The following CACNA1E variants were observed in gnomAD, a reference collection of about 807,000 sequenced individuals.
CACNA1E encodes the protein calcium voltage-gated channel subunit alpha1 E.
A neutral mutation model predicts 259.2 loss-of-function variants in CACNA1E; 40 were observed. That is an observed-to-expected ratio of 0.15 (90% CI 0.12 to 0.20). The LOEUF is 0.20. Among genes scored for constraint, CACNA1E ranks in the 10% least tolerant of loss-of-function variants. CACNA1E has a pLI of 1.00. For missense variants in CACNA1E, 1,874 were observed against 3,040.1 expected (o/e 0.62, Z 9.02); for synonymous variants, 1,104 against 1,138.5 (o/e 0.97, Z 0.61).
At chr1:181,654,999 A>T (rs886759706) in intron 7 of CACNA1E, among the ~76,000 whole-genome samples, 1 of 151,386 alleles carries the variant, frequency 6.6e-6, no homozygotes, top group Non-Finnish European at 1.5e-5. Context: ...AAAAAAAAAA[A>T]AAAAGAAACA....
chr1:181,527,231 C>G (rs775395456), intron 3 of CACNA1E, among the ~76,000 whole-genome samples: 13 of 152,244 alleles, frequency 8.5e-5, no homozygotes, highest in Non-Finnish European at 1.8e-4. Flanking sequence ...GCAAAGGCCC[C>G]TTTCCTGGCT....
intron 3 of CACNA1E, among the ~76,000 whole-genome samples, chr1:181,544,867 G>A (rs1364942508): frequency 1.3e-5 from 2 of 152,178 alleles, no homozygotes; most frequent in Non-Finnish European, 2.9e-5. Flanking sequence ...CCAGGGTATG[G>A]CTGTTTGTTT....
chr1:181,639,445 G>T (rs1249560417), intron 6 of CACNA1E, among the ~76,000 whole-genome samples: 1 of 152,200 alleles, frequency 6.6e-6, no homozygotes, highest in Non-Finnish European at 1.5e-5. Flanking sequence ...GATACATGGA[G>T]CCTTAGGGTC....
At chr1:181,569,698 G>A (rs77119069) in intron 3 of CACNA1E, among the ~76,000 whole-genome samples, 293 of 152,318 alleles carry the variant, frequency 1.9e-3, no homozygotes, top group Non-Finnish European at 2.2e-3. Flanking sequence ...CCGTGGATGC[G>A]TCTGTGGATG....
At chr1:181,724,575 T>C (rs1654715669) in intron 17 of CACNA1E, 38 bp downstream of exon 17, 1 of 1,532,160 alleles carries the variant, frequency 6.5e-7, no homozygotes, top group African/African-American at 1.4e-5. Flanking sequence ...GTTTCTCTAG[T>C]GCCATTGGGT....
intron 2 of CACNA1E, among the ~76,000 whole-genome samples, chr1:181,426,971 C>T (rs189145881): frequency 6.6e-6 from 1 of 150,808 alleles, no homozygotes; most frequent in East Asian, 2.0e-4. Flanking sequence ...TCAACCCCTT[C>T]CCATCTCAAC....
upstream of CACNA1E, among the ~76,000 whole-genome samples, chr1:181,481,292 C>CA (rs1325515412): frequency 6.6e-6 from 1 of 151,776 alleles, no homozygotes; most frequent in African/African-American, 2.4e-5. Context: ...GCAGGCTGGA[C>CA]ATGTTGAGAC....
chr1:181,737,691 G>A (rs373136672), intron 23 of CACNA1E, 37 bp downstream of exon 23: 2 of 1,598,524 alleles, frequency 1.3e-6, no homozygotes, highest in Non-Finnish European at 8.5e-7. Flanking sequence ...CCTCTGTAGT[G>A]CTCTGGTGCT....
At chr1:181,321,156 C>A (rs1203058973) in intron 1 of CACNA1E, among the ~76,000 whole-genome samples, 1 of 152,160 alleles carries the variant, frequency 6.6e-6, no homozygotes, top group Admixed American at 6.5e-5. Flanking sequence ...GAGGACGGTG[C>A]CAAGCCATTC....
chr1:181,618,275 A>T (rs1655412403), intron 6 of CACNA1E, among the ~76,000 whole-genome samples: 1 of 152,178 alleles, frequency 6.6e-6, no homozygotes, highest in African/African-American at 2.4e-5. Context: ...ACTTCAAGAG[A>T]TCATCTGGGC....
intron 1 of CACNA1E, among the ~76,000 whole-genome samples, chr1:181,368,627 G>T (rs938518823): frequency 6.6e-6 from 1 of 152,128 alleles, no homozygotes; most frequent in African/African-American, 2.4e-5. Flanking sequence ...AGATGGGGTT[G>T]GGGGGCAGGA....
At chr1:181,448,431 A>G (rs1660934749) in intron 2 of CACNA1E, among the ~76,000 whole-genome samples, 2 of 152,246 alleles carry the variant, frequency 1.3e-5, no homozygotes, top group Admixed American at 1.3e-4. Flanking sequence ...GTCAGGACTC[A>G]AGCTCAGGTG....
rs756776938 is a variant in CACNA1E, at chr1:181,732,213, C to T, written c.2298-171C>T. Among the ~76,000 whole-genome samples, 3 of 152,168 alleles carry T rather than the reference C, an allele frequency of 2.0e-5. No individual in the cohort carries two copies. The highest frequency in any genetic ancestry group is 2.9e-5 in the Non-Finnish European group (2 of 68,030). ...GGAGGCACCTGCCTGATGAGCTCCT[C>T]ACGTGTGGCCCGCCTGCTCCTCGCA... On this transcript the variant is annotated intron_variant, in intron 19 of 47. Transcript: ENST00000367573. The surrounding 1 kb of genome is among the most constrained non-coding windows in gnomAD (Gnocchi z 5.5).
chr1:181,679,013 T>A (rs1299849361), intron 7 of CACNA1E, among the ~76,000 whole-genome samples: 2 of 152,172 alleles, frequency 1.3e-5, no homozygotes, highest in African/African-American at 2.4e-5. Flanking sequence ...CTGGTGAAAG[T>A]TCCACATTTT....
At chr1:181,720,578 G>C (rs548183674) in intron 14 of CACNA1E, among the ~76,000 whole-genome samples, 1 of 152,168 alleles carries the variant, frequency 6.6e-6, no homozygotes, top group Non-Finnish European at 1.5e-5. Context: ...AATGTGCAGC[G>C]TGGGCACATT....
At chr1:181,766,649 G>C (rs1333017731) in intron 35 of CACNA1E, 38 bp downstream of exon 35, 2 of 1,477,726 alleles carry the variant, frequency 1.4e-6, no homozygotes, top group South Asian at 1.2e-5. Flanking sequence ...GGGGACAGCT[G>C]TTACCCAGAT....
chr1:181,584,826 A>G (rs560506531), intron 6 of CACNA1E, among the ~76,000 whole-genome samples: 3 of 152,348 alleles, frequency 2.0e-5, no homozygotes, highest in South Asian at 4.1e-4. Context: ...TTTGACAAAT[A>G]GGTGGCAGGA....
chr1:181,692,935 TAAAC>T (rs922440338), intron 7 of CACNA1E, among the ~76,000 whole-genome samples: 4 of 151,584 alleles, frequency 2.6e-5, no homozygotes, highest in African/African-American at 9.7e-5. Flanking sequence ...TCTAGGAACA[TAAAC>T]AATTCAACAA....
chr1:181,350,598 T>C (rs1038030167), intron 1 of CACNA1E, among the ~76,000 whole-genome samples: 5 of 152,110 alleles, frequency 3.3e-5, no homozygotes, highest in Non-Finnish European at 5.9e-5. Flanking sequence ...CTTGGCAGCA[T>C]TGGTCATGTG....
Sources: gnomAD v4.1 joint callset for allele counts (sites outside exome capture counted in the v4.1 genomes callset) on GRCh38, gnomAD v4.1.1 for gene constraint, Gnocchi (gnomAD v3.1) non-coding constraint, MANE v1.5 for transcripts, NCBI Gene and HGNC (gene_info 2026-07-23, HGNC 2026-07-21) for gene names.